The following NFATC3 variants were observed in gnomAD, a reference collection of about 807,000 sequenced individuals.
NFATC3 encodes nuclear factor of activated T-cells, cytoplasmic 3.
Under a neutral mutation model 98.6 loss-of-function variants are expected in NFATC3, and 46 were observed. The ratio of observed to expected loss-of-function variants is 0.47; its 90% CI spans 0.37 to 0.60. The LOEUF (loss-of-function observed/expected upper bound fraction) is 0.60. Among genes scored for constraint, NFATC3 ranks in the 20% least tolerant of loss-of-function variants. NFATC3 has a pLI of 0.00. For missense variants in NFATC3, 1,256 were observed against 1,295.5 expected (o/e 0.97, Z 0.47); for synonymous variants, 512 against 472.2 (o/e 1.08, Z -1.09).
intron 3 of NFATC3, among the ~76,000 whole-genome samples, chr16:68,129,658 C>T (rs962974677): frequency 6.7e-6 from 1 of 149,826 alleles, no homozygotes; most frequent in African/African-American, 2.5e-5. Context: ...CCACCTTGCC[C>T]GCTGCTCCCC....
chr16:68,149,098 A>G (rs1002630051), intron 3 of NFATC3, among the ~76,000 whole-genome samples: 2 of 152,084 alleles, frequency 1.3e-5, no homozygotes, highest in African/African-American at 4.8e-5. Context: ...TTACCCTGAG[A>G]GAATCTGGTG....
intron 9 of NFATC3, among the ~76,000 whole-genome samples, chr16:68,201,514 G>T (rs1188863545): frequency 6.6e-6 from 1 of 151,052 alleles, no homozygotes; most frequent in Non-Finnish European, 1.5e-5. Flanking sequence ...CAAGTGATCT[G>T]CCCTCCTTGG....
intron 1 of NFATC3, among the ~76,000 whole-genome samples, chr16:68,112,039 C>T (rs762159978): frequency 3.9e-5 from 6 of 151,968 alleles, no homozygotes; most frequent in Admixed American, 3.3e-4. Context: ...TCTCTCCCTG[C>T]GCTTAACATT....
intron 3 of NFATC3, among the ~76,000 whole-genome samples, chr16:68,129,956 G>A (rs975019180): frequency 6.6e-6 from 1 of 152,042 alleles, no homozygotes; most frequent in African/African-American, 2.4e-5. Context: ...GGGATTATAG[G>A]TGTGAGCTGC....
intron 3 of NFATC3, among the ~76,000 whole-genome samples, chr16:68,153,413 C>A (rs916472967): frequency 6.6e-6 from 1 of 152,040 alleles, no homozygotes; most frequent in African/African-American, 2.4e-5. Context: ...CAGAGTGAGA[C>A]TCCATCCCCC....
At chr16:68,173,423 C>T (rs747031502) in intron 5 of NFATC3, among the ~76,000 whole-genome samples, 22 of 152,054 alleles carry the variant, frequency 1.4e-4, no homozygotes, top group Non-Finnish European at 2.2e-4. Flanking sequence ...AAAAATTAGC[C>T]GGGTATGGTG....
chr16:68,156,845 A>G (rs1051091688), intron 3 of NFATC3, among the ~76,000 whole-genome samples: 1 of 152,140 alleles, frequency 6.6e-6, no homozygotes, highest in Non-Finnish European at 1.5e-5. Context: ...AGGCTGAGGC[A>G]GGAAAATCGC....
At chr16:68,181,331 A>G in intron 6 of NFATC3, 144 bp from the exon 7 acceptor site, 2 of 637,934 alleles carry the variant, frequency 3.1e-6, no homozygotes, top group Non-Finnish European at 5.6e-6. Flanking sequence ...ATTTGTACAT[A>G]TTTATATTTT....
rs540782409 is a variant in NFATC3, at chr16:68,201,211, C to T, written c.3106+9436C>T. ...CCTCCTAAAGTGCTGGGATTACAGG[C>T]ATGAGCCACTGCACTTGGCCTTTTT... On this transcript the variant is annotated intron_variant, in intron 9 of 9. Coordinates refer to ENST00000346183, the MANE Select transcript of NFATC3 (RefSeq NM_173165.3). Among the ~76,000 whole-genome samples, 32 of 152,042 alleles carry T rather than the reference C, an allele frequency of 2.1e-4. No individual in the cohort carries two copies. In the South Asian group the frequency reaches 6.6e-3, roughly 32 times the overall value.
chr16:68,139,663 C>T (rs1391461775), intron 3 of NFATC3, among the ~76,000 whole-genome samples: 1 of 152,180 alleles, frequency 6.6e-6, no homozygotes, highest in African/African-American at 2.4e-5. Flanking sequence ...GAAAATACCA[C>T]CTACCTTGTA....
chr16:68,171,717 C>T (rs1300518248), intron 5 of NFATC3, among the ~76,000 whole-genome samples: 1 of 152,036 alleles, frequency 6.6e-6, no homozygotes, highest in Non-Finnish European at 1.5e-5. Flanking sequence ...TCAGGTGATC[C>T]ACCTGCCTCT....
intron 3 of NFATC3, among the ~76,000 whole-genome samples, chr16:68,153,278 C>T (rs955622277): frequency 1.3e-5 from 2 of 151,940 alleles, no homozygotes; most frequent in Non-Finnish European, 2.9e-5. Context: ...AAAATTTAGC[C>T]GGGGATGATG....
intron 4 of NFATC3, among the ~76,000 whole-genome samples, chr16:68,166,215 G>C (rs895150414): frequency 6.6e-6 from 1 of 152,196 alleles, no homozygotes. Flanking sequence ...ATGGCTTATA[G>C]TTATCACTCT....
chr16:68,207,389 A>G (rs1484319114), intron 9 of NFATC3, among the ~76,000 whole-genome samples: 1 of 151,996 alleles, frequency 6.6e-6, no homozygotes, highest in Non-Finnish European at 1.5e-5. Context: ...TGGCATACAT[A>G]CTGTTTGAGT....
At chr16:68,116,471 A>C (rs1335874438) in intron 1 of NFATC3, among the ~76,000 whole-genome samples, 1 of 152,126 alleles carries the variant, frequency 6.6e-6, no homozygotes, top group Non-Finnish European at 1.5e-5. Context: ...GTAATTCTTG[A>C]GATGGTGAAA....
chr16:68,181,598 T>G, intron 7 of NFATC3, 68 bp downstream of exon 7: 1 of 1,171,224 alleles, frequency 8.5e-7, no homozygotes, highest in South Asian at 1.2e-5. Context: ...TAATGCTGCT[T>G]TATGGTATGG....
chr16:68,114,193 G>A (rs1381476607), intron 1 of NFATC3, among the ~76,000 whole-genome samples: 2 of 152,182 alleles, frequency 1.3e-5, no homozygotes, highest in African/African-American at 4.8e-5. Context: ...GGGTGTGGGA[G>A]TTCGCCTTTG....
intron 5 of NFATC3, among the ~76,000 whole-genome samples, chr16:68,167,640 A>G (rs1384644237): frequency 6.6e-6 from 1 of 152,044 alleles, no homozygotes; most frequent in Non-Finnish European, 1.5e-5. Context: ...ATAATTTAGA[A>G]TATTCTGATT....
chr16:68,114,576 C>CT (rs766989438), intron 1 of NFATC3, among the ~76,000 whole-genome samples: 24,773 of 136,728 alleles, frequency 0.18, 2,358 homozygotes, highest in African/African-American at 0.21. Flanking sequence ...AGGAAAAGCA[C>CT]TTTTTTTTTT....
Sources: gnomAD v4.1 joint callset for allele counts (sites outside exome capture counted in the v4.1 genomes callset) on GRCh38, gnomAD v4.1.1 for gene constraint, MANE v1.5 for transcripts, NCBI Gene and HGNC (gene_info 2026-07-23, HGNC 2026-07-21) for gene names.